HP1BP3: variants seen among roughly 807,000 people sequenced by gnomAD.
HP1BP3 encodes the protein heterochromatin protein 1-binding protein 3.
In HP1BP3, 12 loss-of-function variants were observed where a neutral mutation model predicts 62.5. That is an observed-to-expected ratio of 0.19 (90% CI 0.12 to 0.31). HP1BP3 has a LOEUF of 0.31. HP1BP3 is among the 10% of genes least tolerant of loss of function. HP1BP3 has a pLI of 1.00. For missense variants in HP1BP3, 502 were observed against 651.8 expected, an observed-to-expected ratio of 0.77 and a Z score of 2.50; for synonymous variants, 260 against 237.8, an observed-to-expected ratio of 1.09 and a Z score of -0.86.
chr1:20,768,707 G>T (rs1285786329), intron 6 of HP1BP3, among the ~76,000 whole-genome samples: 1 of 152,102 alleles, frequency 6.6e-6, no homozygotes, highest in South Asian at 2.1e-4. Context: ...GGGTGTGGTA[G>T]CGGGCGCCTG....
chr1:20,747,678 G>T (rs554938593), intron 10 of HP1BP3, 23 bp from the exon 11 acceptor site: 7 of 1,434,846 alleles, frequency 4.9e-6, no homozygotes, highest in Non-Finnish European at 6.9e-6. Context: ...ATTCAGAAAT[G>T]AAAGTTATCT....
At chr1:20,757,122 A>G (rs2056161810) in intron 9 of HP1BP3, 44 bp downstream of exon 9, 1 of 1,361,298 alleles carries the variant, frequency 7.3e-7, no homozygotes, top group Non-Finnish European at 1.0e-6. Flanking sequence ...GAAACCAAAA[A>G]CTTTAAGAAG....
Position 20,745,452 on chromosome 1 carries a change from TG to T in HP1BP3, c.1367+90del. On this transcript the variant is annotated intron_variant, in intron 12 of 12. Coordinates refer to ENST00000438032, the MANE Select transcript of HP1BP3 (RefSeq NM_001372052.1). ...TGAGAAGGATCCTGAGTTTCTGAAA[TG>T]CTTTTTAGCTTTAGCCCCTCCTATA... 4 of 1,426,662 alleles carry T rather than the reference TG, an allele frequency of 2.8e-6. No homozygotes were observed. In the South Asian group the frequency reaches 6.1e-5, roughly 22 times the overall value. 88.4% of individuals were successfully genotyped at this position (1,426,662 alleles called of 1,614,324 possible).
chr1:20,763,093 TC>T, intron 8 of HP1BP3, among the ~76,000 whole-genome samples: 1 of 152,138 alleles, frequency 6.6e-6, no homozygotes, highest in Non-Finnish European at 1.5e-5. Context: ...CACCTTTCCC[TC>T]CTCTCTTGCT....
At chr1:20,765,346 A>C (rs1178752204) in intron 8 of HP1BP3, 31 bp downstream of exon 8, 1 of 1,489,872 alleles carries the variant, frequency 6.7e-7, no homozygotes. Flanking sequence ...GTAACACATC[A>C]TGTTTTAAAG....
chr1:20,745,660 T>C lies in HP1BP3; in HGVS notation c.1254-4A>G. On this transcript the variant is annotated splice_region_variant and splice_polypyrimidine_tract_variant and intron_variant, in intron 11 of 12. Coordinates refer to ENST00000438032, the MANE Select transcript of HP1BP3 (RefSeq NM_001372052.1). ...CTTCGGAAACAGAACTCCTGGGCTA[T>C]ACGGGGAAAAATTAGATTAAAACAC... 1 of 1,612,998 alleles carries C rather than the reference T, an allele frequency of 6.2e-7. No individual in the cohort carries two copies. Among genetic ancestry groups the C allele is most frequent in the Non-Finnish European group, 8.5e-7 (1 of 1,179,562 alleles).
intron 12 of HP1BP3, 115 bp downstream of exon 12, chr1:20,745,428 G>T: frequency 7.9e-7 from 1 of 1,273,730 alleles, no homozygotes. Flanking sequence ...TAAAGAACTT[G>T]AGAAGGATCC....
Position 20,741,033 on chromosome 1 carries a change from A to C in HP1BP3, c.*3764T>G, listed in dbSNP as rs546897746. Among the ~76,000 whole-genome samples the C allele has an allele frequency of 5.1e-4, 78 of 152,218 alleles. No homozygotes were observed. Among genetic ancestry groups the C allele is most frequent in the Non-Finnish European group, 9.6e-4 (65 of 68,054 alleles). On this transcript the variant is annotated 3_prime_UTR_variant, in exon 13 of 13. Coordinates refer to ENST00000438032, the MANE Select transcript of HP1BP3 (RefSeq NM_001372052.1). ...CCATCTGTTCCACCATGAAAATGCAAAAGCAAAATCTACATGCTAGAAAGT... is the reference window on the plus strand; with the variant it reads ...CCATCTGTTCCACCATGAAAATGCACAAGCAAAATCTACATGCTAGAAAGT...
chr1:20,782,908 G>GAAA (rs1056907677), intron 1 of HP1BP3, among the ~76,000 whole-genome samples: 1 of 119,914 alleles, frequency 8.3e-6, no homozygotes, highest in Non-Finnish European at 1.7e-5. Flanking sequence ...TCAAAAAAAA[G>GAAA]AAAAAAAAAA....
At chr1:20,786,415 G>A (rs57693943) in intron 1 of HP1BP3, 2 of 146,430 alleles carry the variant, frequency 1.4e-5, no homozygotes, top group South Asian at 2.1e-4. Context: ...CAAGAGCAGC[G>A]GAGACAAAGC....
At chr1:20,751,829 T>C (rs989463565) in intron 9 of HP1BP3, among the ~76,000 whole-genome samples, 6 of 151,296 alleles carry the variant, frequency 4.0e-5, no homozygotes, top group African/African-American at 7.3e-5. Flanking sequence ...GCAAATAATA[T>C]GCAAAAAGGG....
chr1:20,744,666 G>C lies in HP1BP3; in HGVS notation c.*131C>G, dbSNP rs2055195703. ...AAATGCCTAAACTGGTTTATTTAGA[G>C]TCCCTCCCCACAATGTTCATAGGGG... On this transcript the variant is annotated 3_prime_UTR_variant, in exon 13 of 13. Coordinates refer to ENST00000438032, the MANE Select transcript of HP1BP3 (RefSeq NM_001372052.1). 2 of 835,290 alleles carry C rather than the reference G, an allele frequency of 2.4e-6. No individual in the cohort carries two copies. Among genetic ancestry groups the C allele is most frequent in the East Asian group, 5.2e-5 (2 of 38,772 alleles). 51.7% of individuals were successfully genotyped at this position (835,290 alleles called of 1,614,324 possible).
At position 20,742,012 on chromosome 1, in the gene HP1BP3, T is replaced by C. The variant is rs1411022643; in HGVS notation, c.*2785A>G. Among the ~76,000 whole-genome samples, 1 of 152,228 alleles carries C rather than the reference T, an allele frequency of 6.6e-6. No individual in the cohort carries two copies. Among genetic ancestry groups the C allele is most frequent in the Non-Finnish European group, 1.5e-5 (1 of 68,048 alleles). On this transcript the variant is annotated 3_prime_UTR_variant, in exon 13 of 13. Coordinates refer to ENST00000438032, the MANE Select transcript of HP1BP3 (RefSeq NM_001372052.1). ...TGCGATGACCTTCCTGTCTTTTCCC[T>C]TTACATCACACTGAAACAAACTGTC...
intron 3 of HP1BP3, among the ~76,000 whole-genome samples, chr1:20,778,936 T>G (rs2057420828): frequency 6.6e-6 from 1 of 152,082 alleles, no homozygotes. Context: ...ATTACAGGCA[T>G]GCACCACCAT....
rs1322353902 is a variant in HP1BP3, at chr1:20,741,698, C to T, written c.*3099G>A. Among the ~76,000 whole-genome samples, 2 of 152,224 alleles carry T rather than the reference C, an allele frequency of 1.3e-5. No individual in the cohort carries two copies. Among genetic ancestry groups the T allele is most frequent in the Non-Finnish European group, 2.9e-5 (2 of 68,050 alleles). ...AAGAAGCCAACAATCTCTCTCCCAG[C>T]ACTTTCTGAGACTCATTTATCAAAG... On this transcript the variant is annotated 3_prime_UTR_variant, in exon 13 of 13. Coordinates refer to ENST00000438032, the MANE Select transcript of HP1BP3 (RefSeq NM_001372052.1).
At chr1:20,785,307 G>A (rs2057771478) in intron 1 of HP1BP3, among the ~76,000 whole-genome samples, 1 of 152,222 alleles carries the variant, frequency 6.6e-6, no homozygotes, top group African/African-American at 2.4e-5. Context: ...TTAAGAGAAG[G>A]CTGTAGAAAA....
At chr1:20,772,456 C>T (rs1488703391) in intron 5 of HP1BP3, among the ~76,000 whole-genome samples, 1 of 151,322 alleles carries the variant, frequency 6.6e-6, no homozygotes, top group East Asian at 1.9e-4. Context: ...ATACAAAGAA[C>T]AGAGATTTCA....
intron 1 of HP1BP3, among the ~76,000 whole-genome samples, chr1:20,783,769 CAAA>C (rs1164930528): frequency 7.5e-5 from 4 of 53,132 alleles, no homozygotes; most frequent in South Asian, 8.7e-4. Flanking sequence ...GACTCTGTCT[CAAA>C]AAAAAAAAAA....
At chr1:20,758,432 G>A (rs560823075) in intron 8 of HP1BP3, among the ~76,000 whole-genome samples, 5 of 150,992 alleles carry the variant, frequency 3.3e-5, no homozygotes, top group South Asian at 2.1e-4. Flanking sequence ...TGCAACCTCC[G>A]CCCCCTCAGG....
Sources: gnomAD v4.1 joint callset for allele counts (sites outside exome capture counted in the v4.1 genomes callset) on GRCh38, gnomAD v4.1.1 for gene constraint, MANE v1.5 for transcripts, NCBI Gene and HGNC (gene_info 2026-07-23, HGNC 2026-07-21) for gene names.